TEAD1: variants seen among roughly 807,000 people sequenced by gnomAD.
The protein encoded by TEAD1 is transcriptional enhancer factor TEF-1.
Under a neutral mutation model 54.9 loss-of-function variants are expected in TEAD1, and 9 were observed. The observed-to-expected ratio is 0.16, with a 90% CI of 0.10 to 0.29. The LOEUF (loss-of-function observed/expected upper bound fraction) is 0.29, where lower values mean the gene tolerates loss of function less well. Among genes scored for constraint, TEAD1 ranks in the 10% least tolerant of loss-of-function variants. The probability of loss-of-function intolerance (pLI) is 1.00; values close to 1 mark genes in which losing one functional copy is unlikely to be tolerated. For synonymous variants in TEAD1, 200 were observed against 187.8 expected (o/e 1.07, Z -0.53); for missense variants, 387 against 535.9 (o/e 0.72, Z 2.74).
chr11:12,700,358 T>C (rs1423338299), intron 2 of TEAD1, among the ~76,000 whole-genome samples: 1 of 152,228 alleles, frequency 6.6e-6, no homozygotes, highest in Non-Finnish European at 1.5e-5. Context: ...CCTTTTGTTT[T>C]AGGTACAAAT....
At chr11:12,784,604 C>A (rs1289344086) in intron 3 of TEAD1, among the ~76,000 whole-genome samples, 1 of 152,172 alleles carries the variant, frequency 6.6e-6, no homozygotes, top group African/African-American at 2.4e-5. Flanking sequence ...CGTATGTTTA[C>A]TAAGTGTGCT....
In TEAD1 at chr11:12,864,914, T is replaced by C; in HGVS notation, c.330+14T>C. 6.2e-7 allele frequency: 1 copy of C among 1,614,164 alleles called. No individual in the cohort carries two copies. On this transcript the variant is annotated intron_variant, in intron 5 of 12. Coordinates refer to ENST00000527636, the MANE Select transcript of TEAD1 (RefSeq NM_021961.6). ...TCCAAGCTAAAGGTATGCGCTTTTC[T>C]GCTTTTTGGCTTGTGGTTGCTATGC...
At chr11:12,750,035 C>T (rs958795918) in intron 2 of TEAD1, among the ~76,000 whole-genome samples, 8 of 152,170 alleles carry the variant, frequency 5.3e-5, no homozygotes, top group African/African-American at 9.7e-5. Context: ...TTATATTTGT[C>T]GTTTAAAGGG....
In TEAD1 at chr11:12,789,631, A is replaced by G. The variant is rs572583784; in HGVS notation, c.202+25197A>G. ...GCCTTTACACCCGACATCTCCCTCC[A>G]GATGGCTTTTCAGCCAGGTTGATAA... is the stretch of plus-strand genomic sequence containing the variant. On this transcript the variant is annotated intron_variant, in intron 3 of 12. Coordinates refer to ENST00000527636, the MANE Select transcript of TEAD1 (RefSeq NM_021961.6). 4.6e-5 allele frequency among the ~76,000 whole-genome samples: 7 copies of G among 152,366 alleles called. 1 individual carries two copies. Among genetic ancestry groups the G allele is most frequent in the African/African-American group, 1.7e-4 (7 of 41,594 alleles).
intron 9 of TEAD1, among the ~76,000 whole-genome samples, chr11:12,896,094 G>A (rs1948310517): frequency 6.6e-6 from 1 of 151,976 alleles, no homozygotes; most frequent in African/African-American, 2.4e-5. Flanking sequence ...ACACAGCGTG[G>A]TTAATGTTAT....
intron 2 of TEAD1, among the ~76,000 whole-genome samples, chr11:12,762,777 G>T (rs1336322280): frequency 6.6e-6 from 1 of 152,162 alleles, no homozygotes; most frequent in Non-Finnish European, 1.5e-5. Context: ...ACACAGGTGG[G>T]GGAGGACAGG....
rs985362816 is a variant in TEAD1 at position 12,799,909 on chromosome 11, G to C, written c.202+35475G>C. ...TGAAAGTAGGGGGGTTGAGAATGCA[G>C]TTTTTTTGAAAGAGAGGAGTTTATC... On this transcript the variant is annotated intron_variant, in intron 3 of 12. Transcript: ENST00000527636. 2.0e-5 allele frequency among the ~76,000 whole-genome samples: 3 copies of C among 152,226 alleles called. No homozygotes were observed. The East Asian group carries it at 5.8e-4, about 29-fold the overall frequency.
chr11:12,781,489 A>T (rs1188585398), intron 3 of TEAD1, among the ~76,000 whole-genome samples: 3 of 152,200 alleles, frequency 2.0e-5, no homozygotes. Context: ...ATAACTATCC[A>T]GTTAAAGAAT....
chr11:12,691,788 T>C (rs1290788562), intron 2 of TEAD1, among the ~76,000 whole-genome samples: 2 of 152,198 alleles, frequency 1.3e-5, no homozygotes, highest in South Asian at 2.1e-4. Flanking sequence ...AGAGATTCCT[T>C]ATCTTATTAC....
intron 3 of TEAD1, among the ~76,000 whole-genome samples, chr11:12,820,976 T>C (rs1012810319): frequency 1.2e-4 from 18 of 152,202 alleles, no homozygotes; most frequent in Non-Finnish European, 1.6e-4. Context: ...GGGAAGTGTT[T>C]GCAGCACTTT....
chr11:12,695,165 A>C (rs527781839), intron 2 of TEAD1, among the ~76,000 whole-genome samples: 7 of 152,338 alleles, frequency 4.6e-5, no homozygotes, highest in Admixed American at 3.9e-4. Context: ...TTTTCTGTTC[A>C]ACTTCAGGCC....
intron 2 of TEAD1, among the ~76,000 whole-genome samples, chr11:12,691,219 C>G (rs892643981): frequency 2.6e-5 from 4 of 152,162 alleles, no homozygotes; most frequent in African/African-American, 9.7e-5. Context: ...CTTACTGATG[C>G]TCAAATTGTT....
At chr11:12,849,428 T>A (rs1590210049) in intron 3 of TEAD1, 1 of 152,194 alleles carries the variant, frequency 6.6e-6, no homozygotes, top group African/African-American at 2.4e-5. Flanking sequence ...AATTTCAATT[T>A]CTTCAGTTTG....
chr11:12,816,261 A>C (rs1946412931), intron 3 of TEAD1, among the ~76,000 whole-genome samples: 1 of 151,944 alleles, frequency 6.6e-6, no homozygotes, highest in Admixed American at 6.5e-5. Flanking sequence ...CTCTCATTCC[A>C]GTGTCTCTGA....
intron 10 of TEAD1, among the ~76,000 whole-genome samples, chr11:12,920,262 G>C (rs1948779656): frequency 6.6e-6 from 1 of 152,180 alleles, no homozygotes; most frequent in South Asian, 2.1e-4. Context: ...CGTACAGACA[G>C]AACCGTAACA....
At chr11:12,863,028 G>GA (rs889256438) in intron 4 of TEAD1, among the ~76,000 whole-genome samples, 160 of 147,550 alleles carry the variant, frequency 1.1e-3, no homozygotes, top group East Asian at 2.2e-3. Flanking sequence ...AAGAAAGGAG[G>GA]AAAAAAAAAA....
In TEAD1 at chr11:12,675,488, C is replaced by T. The variant is rs1353419694; in HGVS notation, c.-128C>T. 1 of 152,320 alleles carries T rather than the reference C, an allele frequency of 6.6e-6. No homozygotes were observed. The highest frequency in any genetic ancestry group is 1.5e-5 in the Non-Finnish European group (1 of 68,130). 9.4% of individuals were successfully genotyped at this position (152,320 alleles called of 1,614,324 possible). A position where few individuals can be genotyped will look rare whatever the true frequency, so the allele number is the denominator to read the frequency against. On this transcript the variant is annotated 5_prime_UTR_variant, in exon 2 of 13. Coordinates refer to ENST00000527636, the MANE Select transcript of TEAD1 (RefSeq NM_021961.6). ...TCAGGAGTCAGCAGAAACATTGTGT[C>T]CAAAAAAGACTGAGTCGCAGTTACC...
intron 3 of TEAD1, among the ~76,000 whole-genome samples, chr11:12,811,273 T>A (rs1294644229): frequency 6.6e-6 from 1 of 152,144 alleles, no homozygotes; most frequent in Non-Finnish European, 1.5e-5. Flanking sequence ...ATGAGTTCTA[T>A]ATGGGAGCAG....
intron 3 of TEAD1, among the ~76,000 whole-genome samples, chr11:12,825,262 G>T (rs1013697366): frequency 1.1e-4 from 17 of 152,124 alleles, no homozygotes; most frequent in African/African-American, 4.1e-4. Context: ...AAGGCATCCG[G>T]ATTGGGAAGA....
Sources: allele counts gnomAD v4.1 joint callset (sites outside exome capture counted in the v4.1 genomes callset), GRCh38; gene constraint gnomAD v4.1.1; transcripts MANE v1.5; gene names NCBI Gene and HGNC (gene_info 2026-07-23, HGNC 2026-07-21).